KIAA0319L: variants seen among roughly 807,000 people sequenced by gnomAD.
KIAA0319L encodes KIAA0319 like.
KIAA0319L carries 55 observed loss-of-function variants against 120.1 expected under a neutral mutation model. That is an observed-to-expected ratio of 0.46 (90% CI 0.37 to 0.57). The LOEUF (loss-of-function observed/expected upper bound fraction) is 0.57. KIAA0319L is among the 20% of genes least tolerant of loss of function. KIAA0319L has a pLI of 0.00. For synonymous variants in KIAA0319L, 398 were observed against 471.9 expected (o/e 0.84, Z 2.03); for missense variants, 1,049 against 1,255.3 (o/e 0.84, Z 2.48).
chr1:35,529,651 G>GC (rs1267106026), intron 2 of KIAA0319L, among the ~76,000 whole-genome samples: 1 of 152,124 alleles, frequency 6.6e-6, no homozygotes, highest in African/African-American at 2.4e-5. Flanking sequence ...CTCCTGGCTT[G>GC]CAAGGTTTCT....
intron 2 of KIAA0319L, among the ~76,000 whole-genome samples, chr1:35,536,888 C>A (rs929980082): frequency 2.0e-5 from 3 of 149,526 alleles, no homozygotes; most frequent in Non-Finnish European, 4.5e-5. Flanking sequence ...AAAAAAAAAA[C>A]AACTGTAACT....
At position 35,479,147 on chromosome 1, in the gene KIAA0319L, C is replaced by T; in HGVS notation, c.732G>A (p.Gly244=). ...TTDLTAELSG[G]PKNVSVQPEI... ...CAGGTTGCACTGATACATTCTTTGG[C>T]CCACCAGACAGCTCTGCAGTCAGGT... Residue 244 remains glycine, a synonymous_variant, in exon 4 of 21, where the codon GGG becomes GGA. Transcript: ENST00000325722. The T allele has an allele frequency of 1.2e-6, 2 of 1,614,006 alleles. No individual in the cohort carries two copies. Among genetic ancestry groups the T allele is most frequent in the Non-Finnish European group, 1.7e-6 (2 of 1,179,890 alleles).
At chr1:35,557,576 T>A, upstream of KIAA0319L, 1 of 419,274 alleles carries the variant, frequency 2.4e-6, no homozygotes, top group Non-Finnish European at 4.8e-6. Context: ...GCCCCCAGCC[T>A]CTCGCCGCCC....
At chr1:35,471,066 T>TATAA in intron 5 of KIAA0319L, 106 bp from the exon 6 acceptor site, 4 of 748,516 alleles carry the variant, frequency 5.3e-6, no homozygotes, top group Non-Finnish European at 9.6e-6. Flanking sequence ...GACAAGGCTT[T>TATAA]AGTTTTTAAG....
intron 2 of KIAA0319L, among the ~76,000 whole-genome samples, chr1:35,513,288 A>ATATATATATATTTT (rs1414704674): frequency 4.7e-5 from 4 of 85,300 alleles, no homozygotes; most frequent in African/African-American, 1.7e-4. Context: ...ATATATATAT[A>ATATATATATATTTT]TTTTTTTTTT....
chr1:35,477,041 A>G (rs1643917958), intron 4 of KIAA0319L, among the ~76,000 whole-genome samples: 1 of 152,216 alleles, frequency 6.6e-6, no homozygotes, highest in African/African-American at 2.4e-5. Flanking sequence ...TTCTTGAGTA[A>G]TACCCCACAA....
chr1:35,491,228 C>A (rs1179492386), intron 3 of KIAA0319L, among the ~76,000 whole-genome samples: 2 of 152,088 alleles, frequency 1.3e-5, no homozygotes, highest in Non-Finnish European at 2.9e-5. Context: ...GAATGGGGAT[C>A]AGCAAACTGT....
At chr1:35,483,137 T>C (rs1363167345) in intron 3 of KIAA0319L, among the ~76,000 whole-genome samples, 1 of 152,254 alleles carries the variant, frequency 6.6e-6, no homozygotes, top group Non-Finnish European at 1.5e-5. Context: ...TTTATTTCTA[T>C]AAATGAGTCC....
chr1:35,515,336 A>AATTG (rs146212434), intron 2 of KIAA0319L, among the ~76,000 whole-genome samples: 10,947 of 151,132 alleles, frequency 0.072, 1,007 homozygotes, highest in East Asian at 0.43. Context: ...AAAGAACCAA[A>AATTG]ATTGTACCAA....
At chr1:35,514,961 C>G (rs1346706422) in intron 2 of KIAA0319L, among the ~76,000 whole-genome samples, 1 of 152,194 alleles carries the variant, frequency 6.6e-6, no homozygotes, top group Non-Finnish European at 1.5e-5. Flanking sequence ...ACACATGGCA[C>G]ATACTCTAAA....
chr1:35,468,867 G>A (rs145415790), intron 6 of KIAA0319L, among the ~76,000 whole-genome samples: 1 of 152,274 alleles, frequency 6.6e-6, no homozygotes, highest in East Asian at 1.9e-4. Flanking sequence ...TAATACCTTT[G>A]TGAACTCTGG....
intron 9 of KIAA0319L, 129 bp downstream of exon 9, chr1:35,460,176 C>A: frequency 1.3e-6 from 1 of 764,620 alleles, no homozygotes; most frequent in Non-Finnish European, 2.1e-6. Flanking sequence ...CCAATGGAAC[C>A]AAAAGCTGTA....
At chr1:35,508,877 T>A (rs902173522) in intron 2 of KIAA0319L, among the ~76,000 whole-genome samples, 1 of 152,214 alleles carries the variant, frequency 6.6e-6, no homozygotes, top group Non-Finnish European at 1.5e-5. Context: ...TCTAAGCTGA[T>A]ATATTATTTA....
At chr1:35,490,329 A>G (rs891725021) in intron 3 of KIAA0319L, among the ~76,000 whole-genome samples, 1 of 152,362 alleles carries the variant, frequency 6.6e-6, no homozygotes, top group East Asian at 1.9e-4. Context: ...GACTCACATG[A>G]CAAAGCTTAA....
intron 16 of KIAA0319L, 75 bp from the exon 17 acceptor site, chr1:35,444,378 C>A: frequency 7.2e-7 from 1 of 1,394,978 alleles, no homozygotes; most frequent in East Asian, 2.5e-5. Context: ...TTACTAAGTA[C>A]CTTCTGTTTG....
At chr1:35,545,075 C>G (rs943201115) in intron 2 of KIAA0319L, among the ~76,000 whole-genome samples, 1 of 152,088 alleles carries the variant, frequency 6.6e-6, no homozygotes, top group Admixed American at 6.5e-5. Context: ...AGAAAGGGGG[C>G]CCCAGAAGTC....
chr1:35,439,801 T>G (rs1416602782), intron 20 of KIAA0319L: 1 of 152,066 alleles, frequency 6.6e-6, no homozygotes, highest in African/African-American at 2.4e-5. Flanking sequence ...GTCGCCACAT[T>G]TTTAAAAAAG....
At chr1:35,470,306 A>G (rs1456205502) in intron 6 of KIAA0319L, among the ~76,000 whole-genome samples, 1 of 152,044 alleles carries the variant, frequency 6.6e-6, no homozygotes, top group African/African-American at 2.4e-5. Flanking sequence ...CAGCCTGGGC[A>G]ATATGATGAG....
chr1:35,474,334 G>C (rs879851974), intron 5 of KIAA0319L, among the ~76,000 whole-genome samples: 18 of 152,058 alleles, frequency 1.2e-4, no homozygotes, highest in Non-Finnish European at 1.9e-4. Context: ...CAATAAAATG[G>C]GGATAATAAT....
Sources: gnomAD v4.1 joint callset for allele counts (sites outside exome capture counted in the v4.1 genomes callset) on GRCh38, gnomAD v4.1.1 for gene constraint, MANE v1.5 for transcripts, NCBI Gene and HGNC (gene_info 2026-07-23, HGNC 2026-07-21) for gene names.